The following TMPRSS11A variants were observed in gnomAD, a reference collection of about 807,000 sequenced individuals.
The protein encoded by TMPRSS11A is transmembrane protease serine 11A.
TMPRSS11A carries 53 observed loss-of-function variants against 58.9 expected under a neutral mutation model. That is an observed-to-expected ratio of 0.90 (90% confidence interval 0.72 to 1.13). The LOEUF (loss-of-function observed/expected upper bound fraction) is 1.13, where lower values mean the gene tolerates loss of function less well. Among genes scored for constraint, TMPRSS11A ranks in the 50% most tolerant of loss-of-function variants. TMPRSS11A has a pLI of 0.00. For missense variants in TMPRSS11A, 493 were observed against 499.3 expected (o/e 0.99, Z 0.12); for synonymous variants, 167 against 169.8 (o/e 0.98, Z 0.13).
chr4:67,932,230 A>G (rs987691779), intron 3 of TMPRSS11A, among the ~76,000 whole-genome samples, 170 bp from the exon 4 acceptor site: 1 of 152,184 alleles, frequency 6.6e-6, no homozygotes, highest in African/African-American at 2.4e-5. Context: ...ATGAATTAAA[A>G]AAATTTATGG....
chr4:67,925,093 A>G (rs928407230), intron 5 of TMPRSS11A, among the ~76,000 whole-genome samples: 1 of 152,146 alleles, frequency 6.6e-6, no homozygotes, highest in Non-Finnish European at 1.5e-5. Context: ...GCTTTTTTAA[A>G]GAATAAACTG....
chr4:67,945,186 A>G (rs1284030424), intron 2 of TMPRSS11A, among the ~76,000 whole-genome samples: 1 of 152,202 alleles, frequency 6.6e-6, no homozygotes, highest in African/African-American at 2.4e-5. Flanking sequence ...ATTGAAGACA[A>G]GACGAGCATG....
chr4:67,909,665 G>A lies in TMPRSS11A; in HGVS notation c.*1677C>T, dbSNP rs1461389642. On this transcript the variant is annotated 3_prime_UTR_variant, in exon 10 of 10. Coordinates refer to ENST00000508048, the MANE Select transcript of TMPRSS11A (RefSeq NM_001114387.2). ...GCAGCCAGCTGCCTAAATGAATCTC[G>A]TCATTTAAAATTCTTATCTTAAGAG... The A allele has an allele frequency of 5.3e-5, 8 of 152,054 alleles. No individual in the cohort carries two copies. The highest frequency in any genetic ancestry group is 2.6e-4 in the Admixed American group (4 of 15,268). The allele number at this position is 152,054 out of a possible 1,614,324, so 9.4% of individuals were successfully genotyped here. A position where few individuals can be genotyped will look rare whatever the true frequency, so the allele number is the denominator to read the frequency against.
chr4:67,929,783 A>T (rs1720563740), intron 5 of TMPRSS11A, 97 bp downstream of exon 5: 1 of 1,128,542 alleles, frequency 8.9e-7, no homozygotes, highest in Non-Finnish European at 1.3e-6. Context: ...AATTCTAGCT[A>T]TTATTTGAAA....
chr4:67,946,659 A>G, intron 1 of TMPRSS11A, 88 bp from the exon 2 acceptor site: 1 of 1,353,390 alleles, frequency 7.4e-7, no homozygotes, highest in African/African-American at 1.5e-5. Flanking sequence ...AAGTTGCTGT[A>G]GCCTACCTTT....
intron 1 of TMPRSS11A, among the ~76,000 whole-genome samples, chr4:67,947,102 A>AT (rs1424364126): frequency 2.0e-5 from 3 of 151,992 alleles, no homozygotes; most frequent in African/African-American, 7.2e-5. Context: ...TGGCTCATTT[A>AT]TTTTTTCTGC....
At chr4:67,962,655 A>G (rs1344236344) in intron 1 of TMPRSS11A, among the ~76,000 whole-genome samples, 1 of 152,352 alleles carries the variant, frequency 6.6e-6, no homozygotes, top group African/African-American at 2.4e-5. Context: ...AGTCTAAACA[A>G]TGGTGAAATA....
At chr4:67,920,186 T>C (rs1420571460) in intron 7 of TMPRSS11A, among the ~76,000 whole-genome samples, 2 of 152,042 alleles carry the variant, frequency 1.3e-5, no homozygotes, top group African/African-American at 2.4e-5. Flanking sequence ...GGAAAAATCA[T>C]TTAGTAGCAA....
intron 3 of TMPRSS11A, 27 bp downstream of exon 3, chr4:67,944,492 T>C (rs992540480): frequency 1.1e-5 from 17 of 1,597,634 alleles, no homozygotes; most frequent in Admixed American, 1.8e-5. Context: ...CATTATTCTA[T>C]GATAAAAAGA....
intron 9 of TMPRSS11A, 37 bp from the exon 10 acceptor site, chr4:67,911,540 A>C: frequency 1.3e-6 from 2 of 1,558,770 alleles, no homozygotes; most frequent in Non-Finnish European, 1.8e-6. Context: ...AAAGAAAATT[A>C]GCTAAACATA....
intron 7 of TMPRSS11A, 26 bp downstream of exon 7, chr4:67,922,729 G>T (rs1720361475): frequency 2.5e-6 from 4 of 1,595,024 alleles, no homozygotes; most frequent in African/African-American, 1.3e-5. Flanking sequence ...GCAGAAGTGG[G>T]TTCTAACTTA....
intron 5 of TMPRSS11A, among the ~76,000 whole-genome samples, chr4:67,926,558 C>T (rs904651456): frequency 1.4e-4 from 21 of 152,322 alleles, no homozygotes; most frequent in African/African-American, 4.8e-4. Flanking sequence ...GACTGTGCCA[C>T]CCCCAACCTC....
At chr4:67,935,363 T>C (rs535888745) in intron 3 of TMPRSS11A, among the ~76,000 whole-genome samples, 2 of 152,332 alleles carry the variant, frequency 1.3e-5, no homozygotes, top group African/African-American at 4.8e-5. Flanking sequence ...CTGCAAGTTC[T>C]GTGTTCCTGA....
chr4:67,961,350 TCTC>T (rs1386046270), intron 1 of TMPRSS11A, among the ~76,000 whole-genome samples: 2 of 152,156 alleles, frequency 1.3e-5, no homozygotes, highest in Non-Finnish European at 2.9e-5. Flanking sequence ...TGACCTGACA[TCTC>T]CTGCAAATCT....
At chr4:67,926,547 C>T (rs946298934) in intron 5 of TMPRSS11A, among the ~76,000 whole-genome samples, 1 of 152,178 alleles carries the variant, frequency 6.6e-6, no homozygotes, top group Non-Finnish European at 1.5e-5. Flanking sequence ...CTGAGGCAGC[C>T]GACTGTGCCA....
intron 1 of TMPRSS11A, among the ~76,000 whole-genome samples, chr4:67,953,343 T>A (rs1003835826): frequency 6.6e-6 from 1 of 151,940 alleles, no homozygotes; most frequent in African/African-American, 2.4e-5. Flanking sequence ...ATGAGCAGCT[T>A]TTCTTAGTTT....
At chr4:67,946,194 G>T (rs951241368) in intron 2 of TMPRSS11A, among the ~76,000 whole-genome samples, 1 of 150,082 alleles carries the variant, frequency 6.7e-6, no homozygotes, top group African/African-American at 2.5e-5. Context: ...AAAGAATTCT[G>T]GGTTGAGAGC....
intron 1 of TMPRSS11A, among the ~76,000 whole-genome samples, chr4:67,950,746 C>T (rs963426399): frequency 6.6e-6 from 1 of 151,860 alleles, no homozygotes; most frequent in African/African-American, 2.4e-5. Flanking sequence ...GAGAACTATT[C>T]GATGAGAAGG....
At chr4:67,947,215 TA>T (rs1721040471) in intron 1 of TMPRSS11A, among the ~76,000 whole-genome samples, 1 of 152,172 alleles carries the variant, frequency 6.6e-6, no homozygotes, top group Non-Finnish European at 1.5e-5. Context: ...TTAACACTCC[TA>T]AAAAATTAAT....
Sources: allele counts gnomAD v4.1 joint callset (sites outside exome capture counted in the v4.1 genomes callset), GRCh38; gene constraint gnomAD v4.1.1; transcripts MANE v1.5; gene names NCBI Gene and HGNC (gene_info 2026-07-23, HGNC 2026-07-21).